MLC1: variants seen among roughly 807,000 people sequenced by gnomAD.
The protein encoded by MLC1 is modulator of VRAC current 1.
A neutral mutation model predicts 44.7 loss-of-function variants in MLC1; 32 were observed. That is an observed-to-expected ratio of 0.72 (90% CI 0.54 to 0.96). MLC1 has a LOEUF of 0.96. Among genes scored for constraint, MLC1 ranks in the 40% least tolerant of loss-of-function variants. The probability of loss-of-function intolerance (pLI) is 0.00; values close to 1 mark genes in which losing one functional copy is unlikely to be tolerated. For synonymous variants in MLC1, 190 were observed against 213.0 expected, an observed-to-expected ratio of 0.89 and a Z score of 0.94; for missense variants, 459 against 492.2, an observed-to-expected ratio of 0.93 and a Z score of 0.64.
At chr22:50,078,724 G>A (rs1480556499) in intron 5 of MLC1, among the ~76,000 whole-genome samples, 4 of 150,680 alleles carry the variant, frequency 2.7e-5, no homozygotes, top group South Asian at 4.2e-4. Flanking sequence ...GGGCGACAGA[G>A]CGAGACTGTC....
At chr22:50,064,873 G>A (rs935155825) in intron 10 of MLC1, among the ~76,000 whole-genome samples, 1 of 143,058 alleles carries the variant, frequency 7.0e-6, no homozygotes, top group Non-Finnish European at 1.6e-5. Flanking sequence ...TCTATCCAAT[G>A]TCACTGCTAC....
At chr22:50,084,994 C>G in intron 1 of MLC1, 33 bp from the exon 2 acceptor site, 1 of 1,559,756 alleles carries the variant, frequency 6.4e-7, no homozygotes, top group Non-Finnish European at 8.6e-7. Context: ...TTTGGCCACT[C>G]TGAGGAAACT....
Position 50,061,613 on chromosome 22 carries a change from C to G in MLC1, c.1104G>C (p.Trp368Cys), listed in dbSNP as rs2146738510. Reference sequence around the variant, plus strand: ...GGGCCATTTGCACCACGACGGCTCTCCAGGCTTTCTCCTTGTCGAACTCCT... The same window carrying G: ...GGGCCATTTGCACCACGACGGCTCTGCAGGCTTTCTCCTTGTCGAACTCCT... ...PLKEFDKEKA[W>C]RAVVVQMAQ The change falls in exon 12 of 12, where the codon TGG becomes TGC. Residue 368 changes from tryptophan (W) to cysteine (C), a missense_variant. Trp to Cys is a radical substitution (Grantham distance 215). Coordinates refer to ENST00000311597, the MANE Select transcript of MLC1 (RefSeq NM_015166.4). 1 of 1,613,888 alleles carries G rather than the reference C, an allele frequency of 6.2e-7. No individual in the cohort carries two copies. The highest frequency in any genetic ancestry group is 8.5e-7 in the Non-Finnish European group (1 of 1,180,008).
rs561413620 is a variant in MLC1, at chr22:50,070,699, G to C, written c.715-116C>G. 22 of 1,108,004 alleles carry C rather than the reference G, an allele frequency of 2.0e-5. No individual in the cohort carries two copies. In the African/African-American group the frequency reaches 2.6e-4, roughly 13 times the overall value. The allele number at this position is 1,108,004 out of a possible 1,614,324, so 68.6% of individuals were successfully genotyped here. A position where few individuals can be genotyped will look rare whatever the true frequency, so the allele number is the denominator to read the frequency against. On this transcript the variant is annotated intron_variant, in intron 8 of 11. Coordinates refer to ENST00000311597, the MANE Select transcript of MLC1 (RefSeq NM_015166.4). ...GCAGGCTGCCTGGCTGGCTTGCTGT[G>C]GGGGGCAGGGGGGATGGTGCAGTGC... is the stretch of plus-strand genomic sequence containing the variant.
chr22:50,069,460 C>A (rs2061797234), intron 9 of MLC1, among the ~76,000 whole-genome samples: 1 of 151,998 alleles, frequency 6.6e-6, no homozygotes, highest in African/African-American at 2.4e-5. Context: ...GCCTGGCCAA[C>A]ATGGTGAAAC....
At position 50,061,538 on chromosome 22, in the gene MLC1, T is replaced by C. The variant is rs2072873; in HGVS notation, c.*45A>G. On this transcript the variant is annotated 3_prime_UTR_variant, in exon 12 of 12. Coordinates refer to ENST00000311597, the MANE Select transcript of MLC1 (RefSeq NM_015166.4). ...GATTAGGGGTTGTGCGTTTCCATGCTTGGGGCCAGGCTGGGCGCTGCCACC... is the reference window on the plus strand; with the variant it reads ...GATTAGGGGTTGTGCGTTTCCATGCCTGGGGCCAGGCTGGGCGCTGCCACC... 0.13 allele frequency: 212,104 copies of C among 1,582,736 alleles called. 14,708 individuals carry two copies. Among genetic ancestry groups the C allele is most frequent in the East Asian group, 0.2 (8,766 of 44,710 alleles).
At chr22:50,078,146 G>A (rs1448210990) in intron 5 of MLC1, among the ~76,000 whole-genome samples, 1 of 151,760 alleles carries the variant, frequency 6.6e-6, no homozygotes, top group African/African-American at 2.4e-5. Flanking sequence ...GCACCTACCA[G>A]CACGCCCGGC....
At chr22:50,066,080 C>T (rs1330031190) in intron 10 of MLC1, among the ~76,000 whole-genome samples, 1 of 116,934 alleles carries the variant, frequency 8.6e-6, no homozygotes, top group Non-Finnish European at 2.0e-5. Context: ...CAGAAGCCTC[C>T]TCATCCCAGC....
At chr22:50,080,056 A>T in intron 4 of MLC1, 37 bp from the exon 5 acceptor site, 1 of 1,484,312 alleles carries the variant, frequency 6.7e-7, no homozygotes, top group Non-Finnish European at 9.4e-7. Context: ...CCTTCTTTGA[A>T]TAATAAAAGA....
intron 8 of MLC1, 58 bp from the exon 9 acceptor site, chr22:50,070,641 A>G: frequency 6.6e-7 from 1 of 1,514,788 alleles, no homozygotes; most frequent in South Asian, 1.2e-5. Context: ...GTCGAATTCC[A>G]AACATGTGCC....
chr22:50,072,251 G>T (rs543164249), intron 8 of MLC1, among the ~76,000 whole-genome samples: 1 of 152,212 alleles, frequency 6.6e-6, no homozygotes, highest in Non-Finnish European at 1.5e-5. Context: ...TCAGCCATAG[G>T]GGCTGGGGCA....
At chr22:50,070,209 GA>G (rs888708527) in intron 9 of MLC1, among the ~76,000 whole-genome samples, 3 of 149,994 alleles carry the variant, frequency 2.0e-5, no homozygotes, top group Non-Finnish European at 3.0e-5. Context: ...TCTCAAAAAA[GA>G]AAAAAAAACA....
chr22:50,076,721 G>T (rs536671245), intron 7 of MLC1, 120 bp downstream of exon 7: 3 of 1,018,294 alleles, frequency 2.9e-6, no homozygotes, highest in Non-Finnish European at 1.5e-6. Context: ...GGCGCACGCC[G>T]CCATGCGGTG....
At chr22:50,081,607 C>A (rs1184994325) in intron 3 of MLC1, among the ~76,000 whole-genome samples, 1 of 152,228 alleles carries the variant, frequency 6.6e-6, no homozygotes, top group Non-Finnish European at 1.5e-5. Flanking sequence ...AGCCATGGGA[C>A]CCCGGGCCCT....
intron 5 of MLC1, 93 bp from the exon 6 acceptor site, chr22:50,077,595 G>A (rs1171469409): frequency 2.0e-5 from 21 of 1,030,710 alleles, no homozygotes; most frequent in East Asian, 1.5e-4. Flanking sequence ...GGCAGGCTGC[G>A]CAGGACTCTC....
chr22:50,068,602 C>T lies in MLC1; in HGVS notation c.772-47G>A, dbSNP rs557837289. On this transcript the variant is annotated intron_variant, in intron 9 of 11. Coordinates refer to ENST00000311597, the MANE Select transcript of MLC1 (RefSeq NM_015166.4). The stretch of plus-strand genomic sequence containing the variant: ...CAGGACCACGGCCGGAGCCTGGGAG[C>T]CCAGGACAGCGGGCGTGGCCAGGGC... 11 of 1,604,130 alleles carry T rather than the reference C, an allele frequency of 6.9e-6. No homozygotes were observed. In the African/African-American group the frequency reaches 1.2e-4, roughly 18 times the overall value.
At position 50,061,413 on chromosome 22, in the gene MLC1, T is replaced by C. The variant is rs1204021934; in HGVS notation, c.*170A>G. ...AGGCACAGACTAGCCAACATTGGCC[T>C]ATTTTAAAATTAAACTACCCTAGGA... On this transcript the variant is annotated 3_prime_UTR_variant, in exon 12 of 12. Transcript: ENST00000311597. 2 of 702,306 alleles carry C rather than the reference T, an allele frequency of 2.8e-6. No homozygotes were observed. Among genetic ancestry groups the C allele is most frequent in the Non-Finnish European group, 5.0e-6 (2 of 400,778 alleles). 43.5% of individuals were successfully genotyped at this position (702,306 alleles called of 1,614,324 possible).
chr22:50,073,979 T>C (rs899807164), intron 8 of MLC1, among the ~76,000 whole-genome samples: 15 of 152,218 alleles, frequency 9.9e-5, no homozygotes, highest in East Asian at 5.8e-4. Context: ...TAAAAATAAT[T>C]GGTATTTTTT....
intron 3 of MLC1, among the ~76,000 whole-genome samples, chr22:50,081,295 A>ACGGCG (rs2062135591): frequency 1.3e-5 from 2 of 152,156 alleles, no homozygotes. Context: ...GTGAGCAGAG[A>ACGGCG]CGGCGCCATT....
Sources: gnomAD v4.1 joint callset for allele counts (sites outside exome capture counted in the v4.1 genomes callset) on GRCh38, gnomAD v4.1.1 for gene constraint, MANE v1.5 for transcripts, NCBI Gene and HGNC (gene_info 2026-07-23, HGNC 2026-07-21) for gene names.